Variants in ZCCHC17 observed in about 807,000 individuals in gnomAD.
ZCCHC17 encodes zinc finger CCHC domain-containing protein 17.
Under a neutral mutation model 30.6 loss-of-function variants are expected in ZCCHC17, and 18 were observed. The observed-to-expected ratio is 0.59, with a 90% CI of 0.41 to 0.87. The LOEUF (loss-of-function observed/expected upper bound fraction) is 0.87, where lower values mean the gene tolerates loss of function less well. ZCCHC17 is among the 40% of genes least tolerant of loss of function. The probability of loss-of-function intolerance (pLI) is 0.00; values close to 1 mark genes in which losing one functional copy is unlikely to be tolerated. For missense variants in ZCCHC17, 263 were observed against 284.2 expected (o/e 0.93, Z 0.54); for synonymous variants, 88 against 92.4 (o/e 0.95, Z 0.27).
chr1:31,308,920 G>A lies in ZCCHC17; in HGVS notation c.-55-1124G>A, dbSNP rs546259819. ...CGTGTTAACAAAAAGTTGTGTATGC[G>A]TATGAATTGCTGTAGTAAGAAAATG... is the stretch of plus-strand genomic sequence containing the variant. On this transcript the variant is annotated intron_variant, in intron 1 of 7. Transcript: ENST00000344147. Among the ~76,000 whole-genome samples, 154 of 152,230 alleles carry A rather than the reference G, an allele frequency of 1.0e-3. No homozygotes were observed. The Middle Eastern group carries it at 0.014, about 14-fold the overall frequency.
At chr1:31,328,665 A>G (rs1638456294) in intron 3 of ZCCHC17, among the ~76,000 whole-genome samples, 1 of 152,194 alleles carries the variant, frequency 6.6e-6, no homozygotes. Context: ...TACATGGGGT[A>G]GGGTATGGCT....
intron 3 of ZCCHC17, among the ~76,000 whole-genome samples, chr1:31,335,275 A>G (rs1638771481): frequency 1.3e-5 from 2 of 152,254 alleles, no homozygotes; most frequent in Admixed American, 6.5e-5. Flanking sequence ...TGATTTGTAT[A>G]TGTAAAATGT....
chr1:31,334,434 A>AAGCAACTTC (rs1407026832), intron 3 of ZCCHC17, among the ~76,000 whole-genome samples: 1 of 151,062 alleles, frequency 6.6e-6, no homozygotes, highest in Admixed American at 6.6e-5. Context: ...TAAATTTCCC[A>AAGCAACTTC]AGCAACTTCA....
intron 3 of ZCCHC17, among the ~76,000 whole-genome samples, chr1:31,326,537 G>C (rs6681286): frequency 0.54 from 82,623 of 152,046 alleles, 23,357 homozygotes; most frequent in Non-Finnish European, 0.62. Flanking sequence ...TGTTAGTATA[G>C]TTGCCATAGC....
chr1:31,297,201 G>C, intron 1 of ZCCHC17, 126 bp downstream of exon 1: 1 of 400,916 alleles, frequency 2.5e-6, no homozygotes. Flanking sequence ...CGGGCCCCGA[G>C]TCCCCAGCTG....
At chr1:31,343,870 T>TC (rs1222570804) in intron 5 of ZCCHC17, among the ~76,000 whole-genome samples, 1 of 146,600 alleles carries the variant, frequency 6.8e-6, no homozygotes, top group African/African-American at 2.5e-5. Context: ...TTTTTTTTTT[T>TC]TGAGACAAGA....
intron 2 of ZCCHC17, among the ~76,000 whole-genome samples, chr1:31,311,608 C>T (rs1646603482): frequency 6.6e-6 from 1 of 152,200 alleles, no homozygotes; most frequent in Non-Finnish European, 1.5e-5. Flanking sequence ...CAAGATGGCA[C>T]CTTCCTGCTG....
At chr1:31,299,202 G>A (rs560303074) in intron 1 of ZCCHC17, among the ~76,000 whole-genome samples, 2 of 152,288 alleles carry the variant, frequency 1.3e-5, no homozygotes, top group East Asian at 3.9e-4. Context: ...AACCGATGGG[G>A]ATAAGGGATT....
chr1:31,303,545 C>T (rs1646371495), intron 1 of ZCCHC17, among the ~76,000 whole-genome samples: 1 of 152,158 alleles, frequency 6.6e-6, no homozygotes, highest in African/African-American at 2.4e-5. Context: ...TCCAAAAAGG[C>T]TATAAAATGT....
At chr1:31,312,050 AAC>A (rs766288329) in intron 2 of ZCCHC17, among the ~76,000 whole-genome samples, 122 of 152,304 alleles carry the variant, frequency 8.0e-4, no homozygotes, top group Non-Finnish European at 1.4e-3. Flanking sequence ...GCCCTTATCA[AAC>A]ACAAAATCTG....
chr1:31,307,461 G>C (rs1646491177), intron 1 of ZCCHC17, among the ~76,000 whole-genome samples: 1 of 150,596 alleles, frequency 6.6e-6, no homozygotes, highest in South Asian at 2.1e-4. Flanking sequence ...CCAGGCTGGA[G>C]TGCAGTGGCC....
intron 2 of ZCCHC17, among the ~76,000 whole-genome samples, chr1:31,312,745 C>T (rs576567265): frequency 1.3e-5 from 2 of 152,164 alleles, no homozygotes; most frequent in African/African-American, 2.4e-5. Context: ...CAGTGTCTTA[C>T]AAGAGCATGT....
At chr1:31,310,348 T>C (rs1453752568) in intron 2 of ZCCHC17, among the ~76,000 whole-genome samples, 184 bp downstream of exon 2, 6 of 152,244 alleles carry the variant, frequency 3.9e-5, no homozygotes, top group Admixed American at 2.0e-4. Context: ...AAGTGCGTAG[T>C]TGACATCGTC....
chr1:31,310,291 C>T (rs144969686), intron 2 of ZCCHC17, 127 bp downstream of exon 2: 12 of 843,596 alleles, frequency 1.4e-5, no homozygotes, highest in East Asian at 2.8e-5. Flanking sequence ...GAAGGGCCAG[C>T]GGAACATCTG....
At chr1:31,349,205 A>T (rs1210082869) in intron 7 of ZCCHC17, among the ~76,000 whole-genome samples, 2 of 151,734 alleles carry the variant, frequency 1.3e-5, no homozygotes, top group South Asian at 2.1e-4. Context: ...CTAAAAAGAA[A>T]TTTTTTTTGT....
In ZCCHC17 at chr1:31,357,242, A is replaced by G. The variant is rs567842362; in HGVS notation, c.565-6790A>G. Reference sequence around the variant, plus strand: ...GTCCAGAGAACTTCTTCTGGTGCCTATATAGAGAAAGGTTGCCAGTCCTGA... The same window carrying G: ...GTCCAGAGAACTTCTTCTGGTGCCTGTATAGAGAAAGGTTGCCAGTCCTGA... On this transcript the variant is annotated intron_variant, in intron 7 of 7. Transcript: ENST00000344147. 3.5e-4 allele frequency among the ~76,000 whole-genome samples: 53 copies of G among 152,304 alleles called. No homozygotes were observed. In the Middle Eastern group the frequency reaches 0.014, roughly 39 times the overall value.
chr1:31,328,903 G>A (rs1458976568), intron 3 of ZCCHC17, among the ~76,000 whole-genome samples: 1 of 152,190 alleles, frequency 6.6e-6, no homozygotes, highest in East Asian at 1.9e-4. Flanking sequence ...ATGGTGGTGA[G>A]CACCTGTAGT....
chr1:31,313,896 A>G (rs6664683), intron 2 of ZCCHC17, among the ~76,000 whole-genome samples: 117,852 of 150,292 alleles, frequency 0.78, 46,537 homozygotes, highest in African/African-American at 0.85. Flanking sequence ...ACAGAGTCTC[A>G]CTCTGTCACT....
intron 7 of ZCCHC17, among the ~76,000 whole-genome samples, chr1:31,363,822 T>C (rs1201306892): frequency 2.0e-5 from 3 of 152,150 alleles, no homozygotes; most frequent in Admixed American, 6.5e-5. Context: ...TTGTGTGCTA[T>C]AATTTTTCTT....
Sources: allele counts gnomAD v4.1 joint callset (sites outside exome capture counted in the v4.1 genomes callset), GRCh38; gene constraint gnomAD v4.1.1; transcripts MANE v1.5; gene names NCBI Gene and HGNC (gene_info 2026-07-23, HGNC 2026-07-21).